Variants in PPARGC1B observed in about 807,000 individuals in gnomAD.
PPARGC1B encodes the protein PPARG coactivator 1 beta.
In PPARGC1B, 34 loss-of-function variants were observed where a neutral mutation model predicts 101.6. The ratio of observed to expected loss-of-function variants is 0.33; its 90% CI spans 0.25 to 0.45. PPARGC1B has a LOEUF of 0.45. Among genes scored for constraint, PPARGC1B ranks in the 20% least tolerant of loss-of-function variants. PPARGC1B has a pLI of 1.00. For synonymous variants in PPARGC1B, 548 were observed against 539.3 expected, an observed-to-expected ratio of 1.02 and a Z score of -0.22; for missense variants, 1,234 against 1,317.6, an observed-to-expected ratio of 0.94 and a Z score of 0.98.
intron 11 of PPARGC1B, chr5:149,847,222 G>A (rs1415873496): frequency 1.5e-6 from 1 of 649,974 alleles, no homozygotes; most frequent in South Asian, 1.7e-5. Context: ...TCTAGTTTGG[G>A]CCTCCAGGTC....
chr5:149,849,214 A>T lies in PPARGC1B; in HGVS notation c.*1656A>T, dbSNP rs190756047. On this transcript the variant is annotated 3_prime_UTR_variant, in exon 12 of 12. Transcript: ENST00000309241. ...AGACTGTTGAGAATTGACGTTTTTA[A>T]AGATTATCAAATACCTCAGTAGGTA... The T allele has an allele frequency of 2.6e-4, 40 of 152,288 alleles. No individual in the cohort carries two copies. Among genetic ancestry groups the T allele is most frequent in the African/African-American group, 8.2e-4 (34 of 41,560 alleles). 9.4% of individuals were successfully genotyped at this position (152,288 alleles called of 1,614,324 possible). A position where few individuals can be genotyped will look rare whatever the true frequency, so the allele number is the denominator to read the frequency against.
chr5:149,779,667 G>T (rs1198112670), intron 1 of PPARGC1B, among the ~76,000 whole-genome samples: 1 of 152,206 alleles, frequency 6.6e-6, no homozygotes, highest in Non-Finnish European at 1.5e-5. Context: ...CCTGTTCCAG[G>T]AGTGACTTTT....
At chr5:149,797,738 TG>T (rs1489130549) in intron 1 of PPARGC1B, among the ~76,000 whole-genome samples, 1 of 152,164 alleles carries the variant, frequency 6.6e-6, no homozygotes, top group Non-Finnish European at 1.5e-5. Flanking sequence ...CTGGCCAACA[TG>T]GTGAAACCTT....
chr5:149,840,929 A>T (rs144513184), intron 9 of PPARGC1B, among the ~76,000 whole-genome samples: 1 of 152,174 alleles, frequency 6.6e-6, no homozygotes, highest in African/African-American at 2.4e-5. Flanking sequence ...AGGTCCTTAA[A>T]ACCGTGGACT....
intron 1 of PPARGC1B, among the ~76,000 whole-genome samples, chr5:149,746,085 T>C (rs1755078114): frequency 6.6e-6 from 1 of 152,216 alleles, no homozygotes; most frequent in African/African-American, 2.4e-5. Flanking sequence ...CCTGATTCAC[T>C]GCCATCCCAG....
At chr5:149,801,697 G>A (rs901516824) in intron 1 of PPARGC1B, among the ~76,000 whole-genome samples, 10 of 152,296 alleles carry the variant, frequency 6.6e-5, no homozygotes, top group African/African-American at 7.2e-5. Flanking sequence ...GTGTCTAGCC[G>A]CCTGGTGGGG....
chr5:149,844,464 C>T (rs1759472417), intron 10 of PPARGC1B, among the ~76,000 whole-genome samples: 1 of 152,138 alleles, frequency 6.6e-6, no homozygotes. Context: ...ATGGTGAAAC[C>T]CCGTCTCTAC....
chr5:149,748,973 T>A (rs1281516172), intron 1 of PPARGC1B, among the ~76,000 whole-genome samples: 1 of 152,070 alleles, frequency 6.6e-6, no homozygotes, highest in Admixed American at 6.5e-5. Context: ...ATGGGATGAA[T>A]GGTATCACCC....
intron 1 of PPARGC1B, among the ~76,000 whole-genome samples, chr5:149,760,420 G>T (rs1755676916): frequency 6.6e-6 from 1 of 152,244 alleles, no homozygotes; most frequent in Non-Finnish European, 1.5e-5. Context: ...AACATGCTGT[G>T]TGACCTTGGG....
At chr5:149,748,090 G>C (rs756414241) in intron 1 of PPARGC1B, among the ~76,000 whole-genome samples, 5 of 152,158 alleles carry the variant, frequency 3.3e-5, no homozygotes, top group Non-Finnish European at 7.3e-5. Flanking sequence ...GAAACAACCA[G>C]AGGAGGGGCA....
At chr5:149,847,391 AC>A in intron 11 of PPARGC1B, 66 bp from the exon 12 acceptor site, 1 of 1,207,590 alleles carries the variant, frequency 8.3e-7, no homozygotes, top group Non-Finnish European at 1.2e-6. Flanking sequence ...AGATTCTTCA[AC>A]CATCCGGTCT....
chr5:149,839,170 C>T (rs914390269), intron 8 of PPARGC1B, among the ~76,000 whole-genome samples: 1 of 152,196 alleles, frequency 6.6e-6, no homozygotes, highest in African/African-American at 2.4e-5. Flanking sequence ...AGTTCCTGGG[C>T]TAAGCATTGA....
At chr5:149,757,900 C>T (rs1347395741) in intron 1 of PPARGC1B, among the ~76,000 whole-genome samples, 3 of 152,242 alleles carry the variant, frequency 2.0e-5, no homozygotes, top group African/African-American at 7.2e-5. Context: ...CCATGGACCC[C>T]ATTCCCCTGG....
At position 149,832,264 on chromosome 5, in the gene PPARGC1B, G is replaced by A. The variant is rs895200660; in HGVS notation, c.583-392G>A. On this transcript the variant is annotated intron_variant, in intron 4 of 11. Transcript: ENST00000309241. The surrounding 1 kb of genome is among the most constrained non-coding windows in gnomAD (Gnocchi z 4.9). The stretch of plus-strand genomic sequence containing the variant: ...GCAGAGGTTGCAGTGGGCCGAGATC[G>A]ATGAATCCCCCAGTGCTCATTTGTA... Among the ~76,000 whole-genome samples, 36 of 152,160 alleles carry A rather than the reference G, an allele frequency of 2.4e-4. No individual in the cohort carries two copies. Among genetic ancestry groups the A allele is most frequent in the Admixed American group, 2.2e-3 (34 of 15,276 alleles).
chr5:149,825,214 A>G (rs112329154), intron 2 of PPARGC1B, among the ~76,000 whole-genome samples: 4,215 of 152,258 alleles, frequency 0.028, 116 homozygotes, highest in Non-Finnish European at 0.037. Flanking sequence ...GACCCTCCTT[A>G]TGGTTCATCT....
At chr5:149,779,409 T>TGC (rs1756515285) in intron 1 of PPARGC1B, among the ~76,000 whole-genome samples, 1 of 152,166 alleles carries the variant, frequency 6.6e-6, no homozygotes, top group Non-Finnish European at 1.5e-5. Flanking sequence ...ACCCCCATCT[T>TGC]CACAAAGTGT....
chr5:149,745,927 C>T (rs1430154626), intron 1 of PPARGC1B, among the ~76,000 whole-genome samples: 1 of 152,148 alleles, frequency 6.6e-6, no homozygotes, highest in African/African-American at 2.4e-5. Context: ...AGAAGGCAGC[C>T]TGAGAGAACA....
intron 1 of PPARGC1B, among the ~76,000 whole-genome samples, chr5:149,777,751 A>G (rs1469042): frequency 0.61 from 87,261 of 143,774 alleles, 26,883 homozygotes; most frequent in East Asian, 0.78. Context: ...AGATGGGGAC[A>G]CTTGGAAGTA....
Position 149,836,879 on chromosome 5 carries a change from G to A in PPARGC1B, c.2424G>A (p.Glu808=). ...SSGESSFLPE[E]EEEEGEEEEE... is the part of the protein sequence containing the mutation. ...GCGAGAGCAGCTTCCTCCCAGAGGA[G>A]GAAGAGGAAGAAGGGGAGGAGGAGG... The change falls in exon 8 of 12, where the codon GAG becomes GAA. Residue 808 remains glutamate, a synonymous_variant. Coordinates refer to ENST00000309241, the MANE Select transcript of PPARGC1B (RefSeq NM_133263.4). 1.2e-6 allele frequency: 2 copies of A among 1,613,152 alleles called. No individual in the cohort carries two copies. Among genetic ancestry groups the A allele is most frequent in the Non-Finnish European group, 8.5e-7 (1 of 1,179,990 alleles).
Sources: gnomAD v4.1 joint callset for allele counts (sites outside exome capture counted in the v4.1 genomes callset) on GRCh38, gnomAD v4.1.1 for gene constraint, Gnocchi (gnomAD v3.1) non-coding constraint, MANE v1.5 for transcripts, NCBI Gene and HGNC (gene_info 2026-07-23, HGNC 2026-07-21) for gene names.